The following KIAA1217 variants were observed in gnomAD, a reference collection of about 807,000 sequenced individuals.
KIAA1217 encodes the protein sickle tail protein homolog.
KIAA1217 carries 88 observed loss-of-function variants against 163.9 expected under a neutral mutation model. The observed-to-expected ratio is 0.54, with a 90% CI of 0.45 to 0.64. KIAA1217 has a LOEUF of 0.64. Ranked by LOEUF, KIAA1217 falls within the 30% of genes least tolerant of loss-of-function variation. KIAA1217 has a pLI of 0.00. For synonymous variants in KIAA1217, 903 were observed against 923.1 expected, an observed-to-expected ratio of 0.98 and a Z score of 0.39; for missense variants, 2,372 against 2,475.0, an observed-to-expected ratio of 0.96 and a Z score of 0.88.
intron 2 of KIAA1217, among the ~76,000 whole-genome samples, chr10:24,196,598 T>A (rs1564816074): frequency 6.6e-6 from 1 of 152,226 alleles, no homozygotes; most frequent in Non-Finnish European, 1.5e-5. Context: ...GACGTTCATA[T>A]GCAGCCTTTT....
chr10:24,181,998 A>G (rs2066193119), intron 2 of KIAA1217, among the ~76,000 whole-genome samples: 1 of 152,208 alleles, frequency 6.6e-6, no homozygotes, highest in African/African-American at 2.4e-5. Context: ...AGAATTGTGG[A>G]ATTTAGATGA....
chr10:23,733,666 C>T (rs1015545537), intron 1 of KIAA1217, among the ~76,000 whole-genome samples: 21 of 151,884 alleles, frequency 1.4e-4, no homozygotes, highest in Admixed American at 5.3e-4. Context: ...GTTGAATCTG[C>T]ATATGCAGAA....
intron 4 of KIAA1217, 126 bp downstream of exon 4, chr10:24,433,319 G>GT: frequency 1.6e-6 from 1 of 635,414 alleles, no homozygotes. Flanking sequence ...TTTGTTTTTT[G>GT]TTTTTTGTTT....
chr10:23,702,710 A>ACAC (rs1564350157), intron 1 of KIAA1217, among the ~76,000 whole-genome samples: 65 of 128,692 alleles, frequency 5.1e-4, no homozygotes, highest in African/African-American at 1.8e-3. Context: ...CACACACACA[A>ACAC]ATATATTGTA....
intron 1 of KIAA1217, among the ~76,000 whole-genome samples, chr10:23,999,067 T>A (rs1284079393): frequency 6.6e-6 from 1 of 152,212 alleles, no homozygotes; most frequent in Non-Finnish European, 1.5e-5. Context: ...CATATACAGT[T>A]TTTTTCTGCT....
chr10:24,263,512 T>C (rs1014216681), intron 2 of KIAA1217, among the ~76,000 whole-genome samples: 1 of 152,194 alleles, frequency 6.6e-6, no homozygotes, highest in Non-Finnish European at 1.5e-5. Flanking sequence ...AACACTGGGT[T>C]CTTGAGTGCC....
At chr10:24,317,166 G>A (rs1472270168) in intron 2 of KIAA1217, among the ~76,000 whole-genome samples, 3 of 152,140 alleles carry the variant, frequency 2.0e-5, no homozygotes, top group Non-Finnish European at 4.4e-5. Context: ...TATGAGAGCA[G>A]AAATGATTGA....
intron 2 of KIAA1217, among the ~76,000 whole-genome samples, chr10:24,302,508 C>G (rs2041488849): frequency 6.6e-6 from 1 of 152,098 alleles, no homozygotes; most frequent in Admixed American, 6.6e-5. Flanking sequence ...CTATGTTGTG[C>G]TTCTCTTTTA....
rs774629474 is a variant in KIAA1217, at chr10:24,546,298, C to A, written c.5806C>A (p.Pro1936Thr). 6.2e-7 allele frequency: 1 copy of A among 1,604,508 alleles called. No individual in the cohort carries two copies. Among genetic ancestry groups the A allele is most frequent in the South Asian group, 1.1e-5 (1 of 89,812 alleles). The change falls in exon 21 of 21, where the codon CCA becomes ACA. Residue 1936 changes from proline (P) to threonine (T), a missense_variant. Pro to Thr is a conservative substitution (Grantham distance 38). This residue lies in a region of KIAA1217 where 690 missense variants were observed against 677.5 expected (regional missense o/e 1.02). Transcript: ENST00000376454. ...GAATGGAAGTTCAAGCAAAGCCACC[C>A]CATCCACAGCAAAAGAAACCTCTTA... ...AQNGSSSKATPSTAKETS is the reference protein window; with the variant it reads ...AQNGSSSKATTSTAKETS
At chr10:23,843,202 A>G (rs1235927583) in intron 1 of KIAA1217, among the ~76,000 whole-genome samples, 2 of 152,288 alleles carry the variant, frequency 1.3e-5, no homozygotes, top group East Asian at 3.9e-4. Flanking sequence ...GAATCATGCT[A>G]TGGCCATTAA....
chr10:23,957,052 A>G (rs1214292063), intron 1 of KIAA1217, among the ~76,000 whole-genome samples: 1 of 152,030 alleles, frequency 6.6e-6, no homozygotes. Flanking sequence ...CAGGCTCCCC[A>G]TGCCATTCCC....
At chr10:24,492,793 A>G (rs554195249) in intron 6 of KIAA1217, among the ~76,000 whole-genome samples, 1 of 106,006 alleles carries the variant, frequency 9.4e-6, no homozygotes, top group African/African-American at 3.8e-5. Context: ...AAAATTCAGG[A>G]TGCAGATGCA....
intron 1 of KIAA1217, among the ~76,000 whole-genome samples, chr10:23,920,717 T>TA (rs1842819752): frequency 6.6e-6 from 1 of 152,194 alleles, no homozygotes; most frequent in South Asian, 2.1e-4. Flanking sequence ...AGTCCACTGA[T>TA]AGCTCTAATG....
At chr10:24,228,160 G>A (rs1451743655) in intron 2 of KIAA1217, among the ~76,000 whole-genome samples, 1 of 152,014 alleles carries the variant, frequency 6.6e-6, no homozygotes, top group African/African-American at 2.4e-5. Flanking sequence ...CAGTTGGGGG[G>A]CTGAGGTGGG....
chr10:23,819,297 T>A (rs1205204806), intron 1 of KIAA1217, among the ~76,000 whole-genome samples: 1 of 152,148 alleles, frequency 6.6e-6, no homozygotes, highest in Non-Finnish European at 1.5e-5. Flanking sequence ...GCAGAACTGT[T>A]GTTTGGGTCC....
intron 16 of KIAA1217, among the ~76,000 whole-genome samples, chr10:24,536,165 T>C (rs2073979085): frequency 6.6e-6 from 1 of 152,186 alleles, no homozygotes; most frequent in Non-Finnish European, 1.5e-5. Context: ...TTGGCTCTTA[T>C]AGTTTTCAGA....
chr10:24,403,167 T>A (rs1347630214), intron 3 of KIAA1217, among the ~76,000 whole-genome samples: 3 of 152,220 alleles, frequency 2.0e-5, no homozygotes, highest in Non-Finnish European at 4.4e-5. Flanking sequence ...TTCTTAGACG[T>A]GACAGCAGAA....
chr10:23,807,455 G>T (rs1227364871), intron 1 of KIAA1217, among the ~76,000 whole-genome samples: 1 of 152,266 alleles, frequency 6.6e-6, no homozygotes, highest in African/African-American at 2.4e-5. Flanking sequence ...GGCCATTATG[G>T]CTGTAGTGTG....
chr10:24,415,258 G>T (rs1046113190), intron 3 of KIAA1217, among the ~76,000 whole-genome samples: 9 of 151,882 alleles, frequency 5.9e-5, no homozygotes, highest in African/African-American at 1.9e-4. Flanking sequence ...GGGATTATAG[G>T]CACCTGCCAC....
Sources: allele counts gnomAD v4.1 joint callset (sites outside exome capture counted in the v4.1 genomes callset), GRCh38; gene constraint gnomAD v4.1.1; regional missense constraint gnomAD v4.1.1; transcripts MANE v1.5; gene names NCBI Gene and HGNC (gene_info 2026-07-23, HGNC 2026-07-21).